The following NXN variants were observed in gnomAD, a reference collection of about 807,000 sequenced individuals.
NXN encodes nucleoredoxin.
Under a neutral mutation model 48.6 loss-of-function variants are expected in NXN, and 16 were observed. The ratio of observed to expected loss-of-function variants is 0.33; its 90% confidence interval spans 0.22 to 0.50. NXN has a LOEUF of 0.50. Ranked by LOEUF, NXN falls within the 20% of genes least tolerant of loss-of-function variation. The probability of loss-of-function intolerance (pLI) is 0.98; values close to 1 mark genes in which losing one functional copy is unlikely to be tolerated. For synonymous variants in NXN, 281 were observed against 269.6 expected (o/e 1.04, Z -0.41); for missense variants, 492 against 605.5 (o/e 0.81, Z 1.97).
At chr17:836,527 C>T (rs750307281) in intron 1 of NXN, among the ~76,000 whole-genome samples, 1 of 152,168 alleles carries the variant, frequency 6.6e-6, no homozygotes, top group Non-Finnish European at 1.5e-5. Context: ...ACACTGAGAG[C>T]AGGAATCCCC....
chr17:823,490 C>T (rs535051467), intron 3 of NXN, 142 bp downstream of exon 3: 14 of 817,478 alleles, frequency 1.7e-5, no homozygotes, highest in Non-Finnish European at 2.7e-5. Context: ...CACTATTCAA[C>T]CAGGCCTCGG....
At chr17:951,065 G>A (rs1367940079) in intron 1 of NXN, among the ~76,000 whole-genome samples, 4 of 151,578 alleles carry the variant, frequency 2.6e-5, no homozygotes, top group Admixed American at 6.6e-5. Flanking sequence ...GGCCGGGCAC[G>A]GTGGCTCACG....
intron 1 of NXN, among the ~76,000 whole-genome samples, chr17:831,086 G>C (rs796266664): frequency 2.6e-5 from 4 of 151,896 alleles, no homozygotes; most frequent in African/African-American, 9.7e-5. Context: ...CAAGAACAAT[G>C]TGCTTGAACA....
intron 1 of NXN, among the ~76,000 whole-genome samples, chr17:840,934 G>A (rs1274486067): frequency 6.6e-6 from 1 of 152,170 alleles, no homozygotes; most frequent in Admixed American, 6.5e-5. Flanking sequence ...CAAGGGGGCC[G>A]CTGTGTTCTG....
At chr17:840,009 A>T (rs2144701557) in intron 1 of NXN, among the ~76,000 whole-genome samples, 1 of 150,442 alleles carries the variant, frequency 6.6e-6, no homozygotes, top group Non-Finnish European at 1.5e-5. Context: ...AGGCAGGAGA[A>T]TTGCTTTAAC....
chr17:940,067 G>A (rs1041856549), intron 1 of NXN, among the ~76,000 whole-genome samples: 3 of 151,966 alleles, frequency 2.0e-5, no homozygotes, highest in African/African-American at 4.8e-5. Flanking sequence ...CTGAGTAGCC[G>A]GGACCACAGG....
At chr17:822,076 T>A (rs1912848478) in intron 4 of NXN, among the ~76,000 whole-genome samples, 1 of 151,816 alleles carries the variant, frequency 6.6e-6, no homozygotes, top group South Asian at 2.1e-4. Context: ...GTCAGGAGTT[T>A]GAGACCAGCC....
intron 1 of NXN, among the ~76,000 whole-genome samples, chr17:868,633 AGGCGCCCACCACCAC>A (rs1449311891): frequency 6.6e-6 from 1 of 152,008 alleles, no homozygotes; most frequent in African/African-American, 2.4e-5. Flanking sequence ...CTGGGACAAC[AGGCGCCCACCACCAC>A]GCCCGGATCA....
At chr17:951,117 T>A (rs1223000739) in intron 1 of NXN, among the ~76,000 whole-genome samples, 4 of 146,840 alleles carry the variant, frequency 2.7e-5, no homozygotes, top group African/African-American at 1.0e-4. Context: ...CTGGCAGATC[T>A]TTTGAGGTTA....
At chr17:842,193 T>C (rs1914369455) in intron 1 of NXN, among the ~76,000 whole-genome samples, 1 of 151,824 alleles carries the variant, frequency 6.6e-6, no homozygotes, top group African/African-American at 2.4e-5. Flanking sequence ...TCGACATCCT[T>C]CCAGTTAAAC....
At chr17:895,018 TTTTTTTTTTTTTTTTTG>T (rs1457689589) in intron 1 of NXN, among the ~76,000 whole-genome samples, 26 of 67,862 alleles carry the variant, frequency 3.8e-4, no homozygotes, top group East Asian at 2.1e-3. Context: ...TTTTTTTTTT[TTTTTTTTTTTTTTTTTG>T]AGACTAAATC....
chr17:926,500 TTC>T (rs1245561948), intron 1 of NXN, among the ~76,000 whole-genome samples: 1 of 150,776 alleles, frequency 6.6e-6, no homozygotes, highest in Non-Finnish European at 1.5e-5. Flanking sequence ...CCCCTCTCTT[TTC>T]TCTTTATTAA....
chr17:876,769 C>A (rs185613145), intron 1 of NXN, among the ~76,000 whole-genome samples: 1 of 152,048 alleles, frequency 6.6e-6, no homozygotes, highest in Non-Finnish European at 1.5e-5. Flanking sequence ...CTTGGCCGGG[C>A]GCGGGGGCTC....
At chr17:839,808 A>AAAAAAAAAAAAAAC (rs1352197383) in intron 1 of NXN, among the ~76,000 whole-genome samples, 1 of 143,692 alleles carries the variant, frequency 7.0e-6, no homozygotes, top group African/African-American at 2.7e-5. Context: ...AAAAAAAAAA[A>AAAAAAAAAAAAAAC]AAAAAAGGCC....
chr17:877,803 T>A (rs9907992), intron 1 of NXN: 59,240 of 151,844 alleles, frequency 0.39, 12,034 homozygotes, highest in Middle Eastern at 0.55. Context: ...AATGAACCGG[T>A]TTTCACCAGG....
intron 1 of NXN, among the ~76,000 whole-genome samples, chr17:832,177 G>A (rs1198567589): frequency 7.0e-6 from 1 of 142,926 alleles, no homozygotes; most frequent in African/African-American, 2.8e-5. Context: ...TCTTAGCCAG[G>A]AATTTTTTTT....
At chr17:829,130 G>A (rs1466975089) in intron 1 of NXN, among the ~76,000 whole-genome samples, 1 of 135,642 alleles carries the variant, frequency 7.4e-6, no homozygotes, top group African/African-American at 2.7e-5. Flanking sequence ...AGTCATTTTT[G>A]TTGCTTATCC....
chr17:858,737 A>AAAAG (rs1275326182), intron 1 of NXN, among the ~76,000 whole-genome samples: 2 of 152,092 alleles, frequency 1.3e-5, no homozygotes, highest in African/African-American at 4.8e-5. Flanking sequence ...TCAAAAAAAA[A>AAAAG]AAAGAAAGAA....
intron 1 of NXN, among the ~76,000 whole-genome samples, chr17:971,429 G>T (rs982125360): frequency 6.6e-6 from 1 of 151,774 alleles, no homozygotes; most frequent in Non-Finnish European, 1.5e-5. Context: ...AACAAAAACA[G>T]ACCGAGCGCG....
Sources: gnomAD v4.1 joint callset for allele counts (sites outside exome capture counted in the v4.1 genomes callset) on GRCh38, gnomAD v4.1.1 for gene constraint, MANE v1.5 for transcripts, NCBI Gene and HGNC (gene_info 2026-07-23, HGNC 2026-07-21) for gene names.